RBFOX3: variants seen among roughly 807,000 people sequenced by gnomAD.
The protein encoded by RBFOX3 is RNA binding protein fox-1 homolog 3.
RBFOX3 carries 17 observed loss-of-function variants against 48.7 expected under a neutral mutation model. The ratio of observed to expected loss-of-function variants is 0.35; its 90% CI spans 0.24 to 0.52. RBFOX3 has a LOEUF of 0.52. RBFOX3 is among the 20% of genes least tolerant of loss of function. The probability of loss-of-function intolerance (pLI) is 0.94; values close to 1 mark genes in which losing one functional copy is unlikely to be tolerated. For synonymous variants in RBFOX3, 212 were observed against 209.5 expected, an observed-to-expected ratio of 1.01 and a Z score of -0.10; for missense variants, 382 against 497.5, an observed-to-expected ratio of 0.77 and a Z score of 2.21.
Position 79,591,024 on chromosome 17 carries a change from G to A in RBFOX3, c.-320+19802C>T, listed in dbSNP as rs1216348189. On this transcript the variant is annotated intron_variant, in intron 1 of 14. Coordinates refer to ENST00000693108, the MANE Select transcript of RBFOX3 (RefSeq NM_001350451.2). ...GCAGCTTCCCAGCCCTCGGAGGGAC[G>A]AGAAGTTCCCGTGTCTGCCGGGGAC... 5.3e-5 allele frequency among the ~76,000 whole-genome samples: 8 copies of A among 152,340 alleles called. No individual in the cohort carries two copies. The East Asian group carries it at 9.7e-4, about 18-fold the overall frequency.
intron 2 of RBFOX3, among the ~76,000 whole-genome samples, chr17:79,449,196 CTG>C (rs1375714944): frequency 6.6e-6 from 1 of 152,084 alleles, no homozygotes; most frequent in Admixed American, 6.6e-5. Flanking sequence ...GTTTCTGGCA[CTG>C]TGTGTTTTTT....
At chr17:79,377,239 G>C (rs2059325798) in intron 2 of RBFOX3, among the ~76,000 whole-genome samples, 1 of 151,806 alleles carries the variant, frequency 6.6e-6, no homozygotes, top group Non-Finnish European at 1.5e-5. Flanking sequence ...GACGCACAGA[G>C]ATGCAGAGAC....
At chr17:79,603,078 C>T (rs927923745) in intron 1 of RBFOX3, among the ~76,000 whole-genome samples, 34 of 151,688 alleles carry the variant, frequency 2.2e-4, no homozygotes, top group Middle Eastern at 6.8e-3. Context: ...GCAACCTCCA[C>T]CTCCCAGGTT....
intron 3 of RBFOX3, among the ~76,000 whole-genome samples, chr17:79,265,921 G>T (rs1161485217): frequency 1.3e-5 from 2 of 152,194 alleles, no homozygotes; most frequent in Non-Finnish European, 2.9e-5. Context: ...GGTCAAGAAG[G>T]CTCATGGCAC....
chr17:79,272,009 G>A (rs570923763), intron 3 of RBFOX3, among the ~76,000 whole-genome samples: 6 of 152,348 alleles, frequency 3.9e-5, no homozygotes, highest in Admixed American at 1.3e-4. Flanking sequence ...AAAATAGCCC[G>A]CTGGGTGGGC....
At chr17:79,571,525 C>T (rs1473457807) in intron 1 of RBFOX3, among the ~76,000 whole-genome samples, 1 of 127,444 alleles carries the variant, frequency 7.8e-6, no homozygotes, top group African/African-American at 2.9e-5. Flanking sequence ...CCACCCCCCG[C>T]CCCCCCAACC....
At chr17:79,108,154 C>T (rs1271844953) in intron 5 of RBFOX3, among the ~76,000 whole-genome samples, 3 of 152,236 alleles carry the variant, frequency 2.0e-5, no homozygotes, top group Non-Finnish European at 4.4e-5. Context: ...CGGAGAACCC[C>T]TCCTCAGAGG....
chr17:79,655,462 G>A, the RBFOX3 span, among the ~76,000 whole-genome samples: 2 of 152,226 alleles, frequency 1.3e-5, no homozygotes, highest in Non-Finnish European at 2.9e-5. Context: ...GTGACTATGT[G>A]TCCAAACCCT....
At position 79,110,130 on chromosome 17, in the gene RBFOX3, C is replaced by CA. The variant is rs34151285; in HGVS notation, c.223-3343dup. Among the ~76,000 whole-genome samples the CA allele has an allele frequency of 3.9e-3, 513 of 132,320 alleles. 4 individuals carry two copies. Among genetic ancestry groups the CA allele is most frequent in the African/African-American group, 5.2e-3 (185 of 35,736 alleles). 86.8% of individuals were successfully genotyped at this position (132,320 alleles called of 152,430 possible). Reference sequence around the variant, plus strand: ...TCTCAGGGGCTTTCTTTCCCCCACTCAAAAAAAAAAAAAAAAGCCGTCTTT... The same window carrying CA: ...TCTCAGGGGCTTTCTTTCCCCCACTCAAAAAAAAAAAAAAAAAGCCGTCTTT... On this transcript the variant is annotated intron_variant, in intron 5 of 14. Coordinates refer to ENST00000693108, the MANE Select transcript of RBFOX3 (RefSeq NM_001350451.2).
Position 79,365,929 on chromosome 17 carries a change from A to G in RBFOX3, c.-174-58105T>C, listed in dbSNP as rs1017010930. Among the ~76,000 whole-genome samples the G allele has an allele frequency of 3.7e-4, 56 of 152,214 alleles. 1 individual carries two copies. The highest frequency in any genetic ancestry group is 3.6e-3 in the Admixed American group (55 of 15,300). Reference sequence around the variant, plus strand: ...GATGGCAGCCCTTCTTGGATACCACACTCTTGCACCAAAGACGCCATCAGC... The same window carrying G: ...GATGGCAGCCCTTCTTGGATACCACGCTCTTGCACCAAAGACGCCATCAGC... On this transcript the variant is annotated intron_variant, in intron 2 of 14. Transcript: ENST00000693108.
chr17:79,412,065 C>T (rs999538986), intron 2 of RBFOX3, among the ~76,000 whole-genome samples: 30 of 151,452 alleles, frequency 2.0e-4, no homozygotes, highest in African/African-American at 6.8e-4. Context: ...GGTATGTGTG[C>T]GTGTAGACGC....
At chr17:79,324,197 C>CCAG (rs1205925707) in intron 2 of RBFOX3, among the ~76,000 whole-genome samples, 1 of 152,182 alleles carries the variant, frequency 6.6e-6, no homozygotes, top group East Asian at 1.9e-4. Flanking sequence ...GAGTCACTTG[C>CCAG]CAGCCTGCAA....
At chr17:79,550,025 G>A (rs916934305) in intron 1 of RBFOX3, among the ~76,000 whole-genome samples, 2 of 152,172 alleles carry the variant, frequency 1.3e-5, no homozygotes, top group East Asian at 1.9e-4. Flanking sequence ...GAGCTCTCAC[G>A]CATCCCTGAG....
chr17:79,307,245 G>A (rs372670416), intron 3 of RBFOX3, among the ~76,000 whole-genome samples: 11 of 152,224 alleles, frequency 7.2e-5, no homozygotes, highest in African/African-American at 2.7e-4. Context: ...ACCTGTGCCC[G>A]GGACGAGCTC....
intron 4 of RBFOX3, among the ~76,000 whole-genome samples, chr17:79,155,591 G>C (rs969258421): frequency 6.6e-6 from 1 of 152,240 alleles, no homozygotes; most frequent in Non-Finnish European, 1.5e-5. Context: ...ACAGCTGGGG[G>C]CAGGGGGGTC....
rs935010510 is a variant in RBFOX3, at chr17:79,205,810, A to C, written c.-34+29956T>G. Among the ~76,000 whole-genome samples the C allele has an allele frequency of 1.7e-4, 26 of 149,290 alleles. No homozygotes were observed. Among genetic ancestry groups the C allele is most frequent in the Admixed American group, 6.8e-5 (1 of 14,778 alleles). On this transcript the variant is annotated intron_variant, in intron 4 of 14. Transcript: ENST00000693108. This position sits in a 1 kb window ranked among gnomAD's most constrained non-coding sequence, Gnocchi z 4.5. ...ATATGGAAAATGTATTTTCCAGTCC[A>C]TGTCCATAAAGAGTCAAAAGCAGTT...
rs1254938487 is a variant in RBFOX3 at position 79,418,265 on chromosome 17, A to T, written c.-175+64189T>A. 6.6e-6 allele frequency among the ~76,000 whole-genome samples: 1 copy of T among 152,184 alleles called. No individual in the cohort carries two copies. The highest frequency in any genetic ancestry group is 6.5e-5 in the Admixed American group (1 of 15,276). ...CAAAAAGTTTTTTCCAATCGCAGGG[A>T]TGTATGTGTTCCATCCAGCTGCCTA... On this transcript the variant is annotated intron_variant, in intron 2 of 14. Transcript: ENST00000693108. This position sits in a 1 kb window ranked among gnomAD's most constrained non-coding sequence, Gnocchi z 5.0.
chr17:79,292,418 G>T (rs2073445243), intron 3 of RBFOX3, among the ~76,000 whole-genome samples: 1 of 152,126 alleles, frequency 6.6e-6, no homozygotes, highest in Admixed American at 6.5e-5. Flanking sequence ...CTAACCAAGA[G>T]CAACCAGGGG....
chr17:79,092,277 G>T, intron 14 of RBFOX3: 7 of 985,538 alleles, frequency 7.1e-6, no homozygotes, highest in Middle Eastern at 5.2e-4. Context: ...TCCTGGCCCA[G>T]CCTGGACCCC....
Sources: allele counts gnomAD v4.1 joint callset (sites outside exome capture counted in the v4.1 genomes callset), GRCh38; gene constraint gnomAD v4.1.1; non-coding constraint Gnocchi (gnomAD v3.1); transcripts MANE v1.5; gene names NCBI Gene and HGNC (gene_info 2026-07-23, HGNC 2026-07-21).